Variants in CD99 observed in about 807,000 individuals in gnomAD.
CD99 encodes the protein CD99 antigen.
A neutral mutation model predicts 28.4 loss-of-function variants in CD99; 19 were observed. That is an observed-to-expected ratio of 0.67 (90% CI 0.47 to 0.98). CD99 has a LOEUF of 0.98. Ranked by LOEUF, CD99 falls within the 50% of genes least tolerant of loss-of-function variation. CD99 has a pLI of 0.00. For synonymous variants in CD99, 103 were observed against 92.1 expected (o/e 1.12, Z -0.67); for missense variants, 283 against 248.8 (o/e 1.14, Z -0.92).
At chrX:2,722,759 T>C in intron 6 of CD99, 85 bp downstream of exon 6, 2 of 1,314,706 alleles carry the variant, frequency 1.5e-6, no homozygotes, top group Non-Finnish European at 2.2e-6. Context: ...GGGTCTAAAC[T>C]GTCAGCTCTC....
chrX:2,708,783 G>A (rs2048242111), intron 1 of CD99, among the ~76,000 whole-genome samples: 1 of 152,142 alleles, frequency 6.6e-6, no homozygotes, highest in Non-Finnish European at 1.5e-5. Context: ...GGGGTCCGGG[G>A]AGCAGTGGGT....
intron 7 of CD99, among the ~76,000 whole-genome samples, chrX:2,725,630 T>C (rs2049238586): frequency 6.6e-6 from 1 of 151,864 alleles, no homozygotes; most frequent in African/African-American, 2.4e-5. Flanking sequence ...TTGTTTTGTT[T>C]TGAGATGGTG....
At chrX:2,700,920 A>G (rs1023284124) in intron 1 of CD99, among the ~76,000 whole-genome samples, 1 of 119,314 alleles carries the variant, frequency 8.4e-6, no homozygotes, top group African/African-American at 3.3e-5. Context: ...CACCCACCCA[A>G]CCATCCATCC....
At chrX:2,720,240 C>A (rs2048928245) in intron 4 of CD99, 116 bp from the exon 5 acceptor site, 2 of 877,068 alleles carry the variant, frequency 2.3e-6, no homozygotes. Context: ...GGTATCCCCA[C>A]CAGGACAAAG....
At chrX:2,716,649 G>A (rs1014918363) in intron 2 of CD99, among the ~76,000 whole-genome samples, 2 of 152,188 alleles carry the variant, frequency 1.3e-5, no homozygotes, top group African/African-American at 4.8e-5. Context: ...TTGCAGACAC[G>A]AGCCACTGCA....
At position 2,692,215 on chromosome X, in the gene CD99, G is replaced by A; in HGVS notation, c.67+788G>A. The A allele has an allele frequency of 1.6e-5, 7 of 448,678 alleles. No homozygotes were observed. In the South Asian group the frequency reaches 1.7e-4, roughly 11 times the overall value. 27.8% of individuals were successfully genotyped at this position (448,678 alleles called of 1,614,324 possible). On this transcript the variant is annotated intron_variant, in intron 1 of 9. Transcript: ENST00000381192. ...TTGAAACGGAAACGGAGACCCTGCC[G>A]GATGTGGTATGTTATAAATTCTTTT...
chrX:2,692,661 C>T (rs1415799545), intron 1 of CD99, among the ~76,000 whole-genome samples: 1 of 130,670 alleles, frequency 7.7e-6, no homozygotes, highest in African/African-American at 3.1e-5. Flanking sequence ...CCCTTTTCTT[C>T]CTAAATGTCC....
chrX:2,716,711 C>T (rs1259196355), intron 2 of CD99, among the ~76,000 whole-genome samples: 3 of 152,148 alleles, frequency 2.0e-5, no homozygotes, highest in Non-Finnish European at 2.9e-5. Flanking sequence ...ATGGTTTGAG[C>T]GGAAACAGTG....
chrX:2,691,738 C>T (rs763189114), intron 1 of CD99: 6 of 727,108 alleles, frequency 8.3e-6, no homozygotes, highest in Non-Finnish European at 1.5e-5. Context: ...TCTTACAGAT[C>T]TCTCTCCCTT....
intron 8 of CD99, 96 bp downstream of exon 8, chrX:2,726,469 A>C: frequency 1.2e-6 from 1 of 803,446 alleles, no homozygotes; most frequent in Non-Finnish European, 2.2e-6. Context: ...GGCTGGCACG[A>C]AACAGGTGCA....
chrX:2,737,426 T>G (rs2050002240), intron 8 of CD99, among the ~76,000 whole-genome samples: 1 of 151,828 alleles, frequency 6.6e-6, no homozygotes, highest in African/African-American at 2.4e-5. Flanking sequence ...TCCGCCCGCC[T>G]GGCCTCCCAA....
At position 2,736,873 on chromosome X, in the gene CD99, T is replaced by TAATAAATA. The variant is rs766963512; in HGVS notation, c.476-1307_476-1300dup. The stretch of plus-strand genomic sequence containing the variant: ...CTCTGTCTCAAAGAAATAATAATAA[T>TAATAAATA]AATAAATAAATAAATAAATAAATAA... On this transcript the variant is annotated intron_variant, in intron 8 of 9. Transcript: ENST00000381192. Among the ~76,000 whole-genome samples the TAATAAATA allele has an allele frequency of 3.7e-3, 556 of 148,662 alleles. 2 individuals carry two copies. The highest frequency in any genetic ancestry group is 0.013 in the African/African-American group (514 of 40,442).
intron 8 of CD99, among the ~76,000 whole-genome samples, chrX:2,727,069 A>G (rs142774437): frequency 2.2e-3 from 329 of 152,320 alleles, no homozygotes; most frequent in Middle Eastern, 6.8e-3. Context: ...CCTGGGAGGC[A>G]GAGCTTGCAG....
rs201237930 is a variant in CD99, at chrX:2,741,118, AC to A, written c.*321del. 62 of 389,986 alleles carry A rather than the reference AC, an allele frequency of 1.6e-4. No individual in the cohort carries two copies. The highest frequency in any genetic ancestry group is 6.7e-4 in the Middle Eastern group (1 of 1,502). 24.2% of individuals were successfully genotyped at this position (389,986 alleles called of 1,614,324 possible). On this transcript the variant is annotated 3_prime_UTR_variant, in exon 10 of 10. Coordinates refer to ENST00000381192, the MANE Select transcript of CD99 (RefSeq NM_002414.5). Reference sequence around the variant, plus strand: ...ACTCAAATGTCAACCCCACCGAGGCACCCCCCCGTCCCCCAGAATCTTGGCT... The same window carrying A: ...ACTCAAATGTCAACCCCACCGAGGCACCCCCCGTCCCCCAGAATCTTGGCT...
chrX:2,717,603 A>G lies in CD99; in HGVS notation c.101-2A>G. 6.2e-7 allele frequency: 1 copy of G among 1,612,828 alleles called. No individual in the cohort carries two copies. Among genetic ancestry groups the G allele is most frequent in the East Asian group, 2.2e-5 (1 of 44,876 alleles). ...ACTAACTGAAATATCTTATCTCTTT[A>G]GACAATGAAAACAAGAAACCCACTG... On this transcript the variant is annotated splice_acceptor_variant, in intron 2 of 9. Transcript: ENST00000381192. LOFTEE classifies it high-confidence loss of function.
At chrX:2,709,414 G>A (rs868189409) in intron 1 of CD99, among the ~76,000 whole-genome samples, 16 of 152,170 alleles carry the variant, frequency 1.1e-4, no homozygotes, top group African/African-American at 2.9e-4. Context: ...AGGCAAACAC[G>A]CAGACACATG....
intron 1 of CD99, among the ~76,000 whole-genome samples, chrX:2,697,857 A>G (rs1156826209): frequency 6.6e-6 from 1 of 151,914 alleles, no homozygotes; most frequent in Non-Finnish European, 1.5e-5. Context: ...GAACACTCGG[A>G]GAGAAGTGTT....
At position 2,738,680 on chromosome X, in the gene CD99, G is replaced by A. The variant is rs190196692; in HGVS notation, c.532+424G>A. ...GTAGAGGTTGCAGTGAGCCGAGATCGTGCCATTGCACTCCAGCCTGGGCGA... is the reference window on the plus strand; with the variant it reads ...GTAGAGGTTGCAGTGAGCCGAGATCATGCCATTGCACTCCAGCCTGGGCGA... On this transcript the variant is annotated intron_variant, in intron 9 of 9. Coordinates refer to ENST00000381192, the MANE Select transcript of CD99 (RefSeq NM_002414.5). 5.0e-3 allele frequency among the ~76,000 whole-genome samples: 762 copies of A among 151,590 alleles called. 10 individuals are homozygous for A. Among genetic ancestry groups the A allele is most frequent in the African/African-American group, 0.016 (660 of 41,338 alleles).
rs556468212 is a variant in CD99 at position 2,691,608 on chromosome X, A to G, written c.67+181A>G. Reference sequence around the variant, plus strand: ...GGAGGAGGCGCCCACTTTCTCCCCAACGCTTTTCCTGGAGCCGTTCCAGAG... The same window carrying G: ...GGAGGAGGCGCCCACTTTCTCCCCAGCGCTTTTCCTGGAGCCGTTCCAGAG... On this transcript the variant is annotated intron_variant, in intron 1 of 9. Coordinates refer to ENST00000381192, the MANE Select transcript of CD99 (RefSeq NM_002414.5). 6.0e-4 allele frequency: 439 copies of G among 733,166 alleles called. 3 individuals are homozygous for G. Among genetic ancestry groups the G allele is most frequent in the South Asian group, 5.6e-3 (376 of 67,714 alleles). The allele number at this position is 733,166 out of a possible 1,614,324, so 45.4% of individuals were successfully genotyped here. A position where few individuals can be genotyped will look rare whatever the true frequency, so the allele number is the denominator to read the frequency against.
Sources: allele counts gnomAD v4.1 joint callset (sites outside exome capture counted in the v4.1 genomes callset), GRCh38; gene constraint gnomAD v4.1.1; transcripts MANE v1.5; gene names NCBI Gene and HGNC (gene_info 2026-07-23, HGNC 2026-07-21).